Variants in SOS1 observed in about 807,000 individuals in gnomAD.
SOS1 encodes SOS Ras/Rac guanine nucleotide exchange factor 1, also known as son of sevenless homolog 1.
In SOS1, 25 loss-of-function variants were observed where a neutral mutation model predicts 157.6. The ratio of observed to expected loss-of-function variants is 0.16; its 90% CI spans 0.12 to 0.22. The LOEUF (loss-of-function observed/expected upper bound fraction) is 0.22. SOS1 is among the 10% of genes least tolerant of loss of function. The probability of loss-of-function intolerance (pLI) is 1.00; values close to 1 mark genes in which losing one functional copy is unlikely to be tolerated. For missense variants in SOS1, 1,237 were observed against 1,599.1 expected (o/e 0.77, Z 3.86); for synonymous variants, 528 against 534.0 (o/e 0.99, Z 0.16).
At position 38,985,903 on chromosome 2, in the gene SOS1, T is replaced by A; in HGVS notation, c.3923A>T (p.Lys1308Ile). The A allele has an allele frequency of 6.2e-7, 1 of 1,613,870 alleles. No homozygotes were observed. The highest frequency in any genetic ancestry group is 8.5e-7 in the Non-Finnish European group (1 of 1,179,860). The change falls in exon 23 of 23, where the codon AAA becomes ATA. Residue 1308 changes from lysine to isoleucine, a missense_variant. Around this residue, in one of 15 missense-constraint regions of SOS1, gnomAD observed 306 missense variants for 322.6 expected, o/e 0.95. Transcript: ENST00000402219. ...TSQHIPKLPP[K>I]TYKREHTHPS... Reference sequence around the variant, plus strand: ...GTGTGTGTGCTCCCTTTTGTAAGTTTTTGGAGGGAGTTTAGGGATATGTTG... The same window carrying A: ...GTGTGTGTGCTCCCTTTTGTAAGTTATTGGAGGGAGTTTAGGGATATGTTG...
At chr2:39,030,891 A>C (rs904406512) in intron 8 of SOS1, among the ~76,000 whole-genome samples, 1 of 152,172 alleles carries the variant, frequency 6.6e-6, no homozygotes, top group Non-Finnish European at 1.5e-5. Context: ...ATGCAGACAC[A>C]TAGAGAAGAA....
intron 21 of SOS1, 161 bp from the exon 22 acceptor site, chr2:38,987,752 A>T: frequency 1.7e-6 from 1 of 600,520 alleles, no homozygotes; most frequent in Non-Finnish European, 3.0e-6. Flanking sequence ...CATTAAAGCA[A>T]ACTGCCATAA....
upstream of SOS1, among the ~76,000 whole-genome samples, chr2:39,123,630 C>G (rs1324153124): frequency 6.6e-6 from 1 of 152,012 alleles, no homozygotes; most frequent in African/African-American, 2.4e-5. Flanking sequence ...AGTGCTGGGA[C>G]TACAGGCGTG....
chr2:39,074,894 C>A (rs297133), intron 1 of SOS1, among the ~76,000 whole-genome samples: 139,942 of 150,218 alleles, frequency 0.93, 65,302 homozygotes, highest in African/African-American at 0.97. Context: ...AAAAAAAAGG[C>A]ACAGAGACTA....
rs960319074 is a variant in SOS1 at position 38,983,059 on chromosome 2, A to G, written c.*2765T>C. ...GCGAACTCTCAATGTATGTTTCCTG[A>G]TAATGTGTAGTCTTAAAATACATCA... is the stretch of plus-strand genomic sequence containing the variant. On this transcript the variant is annotated 3_prime_UTR_variant, in exon 23 of 23. Coordinates refer to ENST00000402219, the MANE Select transcript of SOS1 (RefSeq NM_005633.4). 7.2e-5 allele frequency: 11 copies of G among 152,164 alleles called. No homozygotes were observed. Among genetic ancestry groups the G allele is most frequent in the Admixed American group, 7.2e-4 (11 of 15,272 alleles). 9.4% of individuals were successfully genotyped at this position (152,164 alleles called of 1,614,324 possible).
chr2:39,087,600 C>A (rs1398816171), intron 1 of SOS1, among the ~76,000 whole-genome samples: 1 of 152,170 alleles, frequency 6.6e-6, no homozygotes, highest in African/African-American at 2.4e-5. Flanking sequence ...TCAAGCGTCT[C>A]GCCTGAAAAT....
chr2:39,023,372 T>C (rs979360494), intron 9 of SOS1, 147 bp from the exon 10 acceptor site: 1 of 590,570 alleles, frequency 1.7e-6, no homozygotes, highest in African/African-American at 1.9e-5. Flanking sequence ...ATTACAAAAT[T>C]ACACAATTTT....
At chr2:39,095,468 G>C (rs181480207) in intron 1 of SOS1, among the ~76,000 whole-genome samples, 48 of 152,294 alleles carry the variant, frequency 3.2e-4, no homozygotes, top group Admixed American at 1.6e-3. Context: ...ATATTTCCTA[G>C]GTTATCAAGA....
At chr2:39,034,594 T>C (rs531024815) in intron 8 of SOS1, among the ~76,000 whole-genome samples, 41 of 152,348 alleles carry the variant, frequency 2.7e-4, no homozygotes, top group Non-Finnish European at 5.1e-4. Flanking sequence ...TTTCAGTATA[T>C]AACAGGAAAA....
chr2:39,111,130 G>C (rs1247778969), intron 1 of SOS1, among the ~76,000 whole-genome samples: 1 of 152,214 alleles, frequency 6.6e-6, no homozygotes, highest in Non-Finnish European at 1.5e-5. Flanking sequence ...CTAATCGGGA[G>C]GCTGAGGCAG....
intron 1 of SOS1, among the ~76,000 whole-genome samples, chr2:39,095,223 C>G (rs1672730103): frequency 2.0e-5 from 3 of 151,228 alleles, no homozygotes; most frequent in African/African-American, 7.3e-5. Flanking sequence ...CAGTAGACAC[C>G]AGATGTATGG....
intron 8 of SOS1, among the ~76,000 whole-genome samples, chr2:39,032,136 G>A (rs1015478371): frequency 1.3e-5 from 2 of 151,740 alleles, no homozygotes; most frequent in African/African-American, 2.4e-5. Context: ...ACTTTTTTTC[G>A]TGGTGAGAAC....
At chr2:39,084,776 A>T (rs1348366803) in intron 1 of SOS1, among the ~76,000 whole-genome samples, 2 of 152,196 alleles carry the variant, frequency 1.3e-5, no homozygotes, top group African/African-American at 4.8e-5. Context: ...ATCATTTTTC[A>T]TGTGTTTTGC....
intron 1 of SOS1, among the ~76,000 whole-genome samples, chr2:39,107,240 T>A (rs1333227076): frequency 6.6e-6 from 1 of 152,148 alleles, no homozygotes; most frequent in African/African-American, 2.4e-5. Context: ...ACAGGAAGGA[T>A]AATAGACTGA....
chr2:39,074,633 C>T (rs1440614124), intron 1 of SOS1, among the ~76,000 whole-genome samples: 3 of 151,990 alleles, frequency 2.0e-5, no homozygotes, highest in Admixed American at 6.6e-5. Context: ...TTTGGGAGGT[C>T]GAGGCAGGCA....
At chr2:38,991,710 T>C (rs1398264684) in intron 20 of SOS1, among the ~76,000 whole-genome samples, 1 of 152,210 alleles carries the variant, frequency 6.6e-6, no homozygotes, top group Non-Finnish European at 1.5e-5. Flanking sequence ...AGGTCATCTT[T>C]CTATAAGCTT....
At chr2:39,014,735 T>G (rs1248144204) in intron 11 of SOS1, 30 bp downstream of exon 11, 1 of 1,196,246 alleles carries the variant, frequency 8.4e-7, no homozygotes, top group Admixed American at 1.8e-5. Context: ...CAAAAAATAA[T>G]GAATTTAAAT....
In SOS1 at chr2:39,067,636, C is replaced by T. The variant is rs771172095; in HGVS notation, c.205G>A (p.Asp69Asn). The stretch of plus-strand genomic sequence containing the variant: ...GACAACATTTGTCATACCTCTACAT[C>T]TGAAGCACTTCGGGGCTGAGCTTGG... The part of the protein sequence containing the change: ...LCQAQPRSAS[D>N]VEERVQKSFP... The change falls in exon 2 of 23, where the codon GAT (aspartate) becomes AAT (asparagine). Residue 69 changes from aspartate (D) to asparagine (N), a missense_variant. By Grantham distance (23) the Asp-to-Asn change is conservative (BLOSUM62 1). This residue lies in a region of SOS1 where 99 missense variants were observed against 81.6 expected (regional missense o/e 1.21). Transcript: ENST00000402219. 1 of 1,613,354 alleles carries T rather than the reference C, an allele frequency of 6.2e-7. No homozygotes were observed. The highest frequency in any genetic ancestry group is 1.3e-5 in the African/African-American group (1 of 74,884).
intron 6 of SOS1, among the ~76,000 whole-genome samples, chr2:39,048,217 G>T (rs1670863760): frequency 6.6e-6 from 1 of 151,992 alleles, no homozygotes; most frequent in Non-Finnish European, 1.5e-5. Context: ...CTACAAACTT[G>T]ATTATTTTAA....
Sources: gnomAD v4.1 joint callset for allele counts (sites outside exome capture counted in the v4.1 genomes callset) on GRCh38, gnomAD v4.1.1 for gene constraint, gnomAD v4.1.1 regional missense constraint, MANE v1.5 for transcripts, NCBI Gene and HGNC (gene_info 2026-07-23, HGNC 2026-07-21) for gene names.